The following KCNH7 variants were observed in gnomAD, a reference collection of about 807,000 sequenced individuals.
The protein encoded by KCNH7 is voltage-gated inwardly rectifying potassium channel KCNH7.
A neutral mutation model predicts 120.8 loss-of-function variants in KCNH7; 49 were observed. The ratio of observed to expected loss-of-function variants is 0.41; its 90% CI spans 0.32 to 0.51. The LOEUF is 0.51. Ranked by LOEUF, KCNH7 falls within the 20% of genes least tolerant of loss-of-function variation. KCNH7 has a pLI of 0.38. For synonymous variants in KCNH7, 547 were observed against 516.1 expected (o/e 1.06, Z -0.81); for missense variants, 1,097 against 1,446.6 (o/e 0.76, Z 3.92).
At chr2:162,539,790 C>G (rs1692239931) in intron 2 of KCNH7, among the ~76,000 whole-genome samples, 1 of 152,044 alleles carries the variant, frequency 6.6e-6, no homozygotes, top group Non-Finnish European at 1.5e-5. Context: ...ACATACTTTT[C>G]TCTTTTAGTT....
At position 162,793,852 on chromosome 2, in the gene KCNH7, A is replaced by G. The variant is rs185151125; in HGVS notation, c.307+42685T>C. On this transcript the variant is annotated intron_variant, in intron 2 of 15. Transcript: ENST00000332142. ...TAACTTAGAGTTCATTTTGCCTTAC[A>G]TGTAAATATAATGTACAGGATGGAA... Among the ~76,000 whole-genome samples the G allele has an allele frequency of 3.3e-3, 499 of 152,080 alleles. 2 individuals are homozygous for G. Among genetic ancestry groups the G allele is most frequent in the African/African-American group, 0.011 (471 of 41,532 alleles).
chr2:162,832,003 T>A (rs530553334), intron 2 of KCNH7, among the ~76,000 whole-genome samples: 2 of 152,282 alleles, frequency 1.3e-5, no homozygotes, highest in Admixed American at 6.5e-5. Context: ...GCCTATTTTA[T>A]CAACAATTAC....
intron 2 of KCNH7, among the ~76,000 whole-genome samples, chr2:162,662,598 C>T (rs1311796848): frequency 6.6e-6 from 1 of 152,152 alleles, no homozygotes; most frequent in African/African-American, 2.4e-5. Flanking sequence ...AGAGTCTTTG[C>T]ACATCTTCTG....
At chr2:162,409,062 A>C (rs1687311602) in intron 9 of KCNH7, among the ~76,000 whole-genome samples, 1 of 151,882 alleles carries the variant, frequency 6.6e-6, no homozygotes, top group African/African-American at 2.4e-5. Flanking sequence ...GTTATCAAAA[A>C]AATAAGAAAA....
At position 162,514,125 on chromosome 2, in the gene KCNH7, A is replaced by T. The variant is rs941002488; in HGVS notation, c.893-1451T>A. On this transcript the variant is annotated intron_variant, in intron 4 of 15. Transcript: ENST00000332142. ...CACTGTGCCCATTTAAAATCTTGGG[A>T]TATATCATAATAATTTCAAAGCTTA... Among the ~76,000 whole-genome samples, 3 of 151,954 alleles carry T rather than the reference A, an allele frequency of 2.0e-5. No homozygotes were observed. In the Middle Eastern group the frequency reaches 0.01, roughly 517 times the overall value.
At chr2:162,824,629 T>C (rs1430647133) in intron 2 of KCNH7, among the ~76,000 whole-genome samples, 1 of 152,106 alleles carries the variant, frequency 6.6e-6, no homozygotes, top group Non-Finnish European at 1.5e-5. Context: ...ACTATTATAT[T>C]GGAATAAATT....
At chr2:162,820,100 C>T (rs1005075223) in intron 2 of KCNH7, among the ~76,000 whole-genome samples, 2 of 134,410 alleles carry the variant, frequency 1.5e-5, no homozygotes, top group South Asian at 2.3e-4. Context: ...AGTGCAGTGG[C>T]GCTATCTCAG....
intron 2 of KCNH7, among the ~76,000 whole-genome samples, chr2:162,635,713 A>G: frequency 6.6e-6 from 1 of 152,062 alleles, no homozygotes; most frequent in East Asian, 1.9e-4. Context: ...ATGTTTCTCC[A>G]TTTTATCTTG....
chr2:162,671,218 A>G (rs13384626), intron 2 of KCNH7, among the ~76,000 whole-genome samples: 19,188 of 152,124 alleles, frequency 0.13, 1,418 homozygotes, highest in East Asian at 0.34. Flanking sequence ...TCTATCCAAA[A>G]GGAAAGAAAT....
intron 2 of KCNH7, among the ~76,000 whole-genome samples, chr2:162,670,903 T>C (rs1685328765): frequency 6.6e-6 from 1 of 151,636 alleles, no homozygotes; most frequent in African/African-American, 2.4e-5. Flanking sequence ...AAAATACAAG[T>C]TAAAGTAAAA....
chr2:162,487,061 T>C (rs1369310191), intron 6 of KCNH7, among the ~76,000 whole-genome samples: 1 of 152,292 alleles, frequency 6.6e-6, no homozygotes, highest in South Asian at 2.1e-4. Context: ...CTTAGAGAAC[T>C]TTTACAATCA....
intron 2 of KCNH7, among the ~76,000 whole-genome samples, chr2:162,608,059 G>A (rs1457328818): frequency 6.6e-6 from 1 of 152,048 alleles, no homozygotes; most frequent in Non-Finnish European, 1.5e-5. Flanking sequence ...ATTCTATTAT[G>A]CTAGTTCCCA....
At chr2:162,670,364 C>T (rs1385631127) in intron 2 of KCNH7, among the ~76,000 whole-genome samples, 1 of 149,356 alleles carries the variant, frequency 6.7e-6, no homozygotes, top group East Asian at 2.0e-4. Context: ...GTCTTAGCTA[C>T]TCGGGAGTCT....
chr2:162,667,258 T>G (rs748341478), intron 2 of KCNH7, among the ~76,000 whole-genome samples: 5 of 152,092 alleles, frequency 3.3e-5, no homozygotes, highest in Non-Finnish European at 5.9e-5. Context: ...TGGATTCCAG[T>G]GATCCTCCTG....
At chr2:162,459,147 A>G (rs1370268926) in intron 6 of KCNH7, among the ~76,000 whole-genome samples, 1 of 151,768 alleles carries the variant, frequency 6.6e-6, no homozygotes, top group Non-Finnish European at 1.5e-5. Context: ...TAATTTTCCA[A>G]AAGAGTACAA....
At chr2:162,394,240 G>T (rs1391085213) in intron 12 of KCNH7, 149 bp downstream of exon 12, 1 of 624,984 alleles carries the variant, frequency 1.6e-6, no homozygotes, top group Non-Finnish European at 2.8e-6. Flanking sequence ...CTGGAAACCA[G>T]ATCATTAGCT....
chr2:162,696,489 T>A (rs1686293970), intron 2 of KCNH7, among the ~76,000 whole-genome samples: 1 of 152,168 alleles, frequency 6.6e-6, no homozygotes, highest in East Asian at 1.9e-4. Context: ...GGAGTCCTGA[T>A]ATGAATTGGG....
chr2:162,626,857 G>C (rs913562083), intron 2 of KCNH7, among the ~76,000 whole-genome samples: 1 of 152,130 alleles, frequency 6.6e-6, no homozygotes, highest in African/African-American at 2.4e-5. Flanking sequence ...TAAGCTGATG[G>C]AACTTCAATT....
intron 6 of KCNH7, among the ~76,000 whole-genome samples, chr2:162,470,213 G>T (rs1689461294): frequency 6.6e-6 from 1 of 151,236 alleles, no homozygotes; most frequent in Non-Finnish European, 1.5e-5. Context: ...GCCCAGTCTG[G>T]AAAGTGAGGA....
Sources: allele counts gnomAD v4.1 joint callset (sites outside exome capture counted in the v4.1 genomes callset), GRCh38; gene constraint gnomAD v4.1.1; transcripts MANE v1.5; gene names NCBI Gene and HGNC (gene_info 2026-07-23, HGNC 2026-07-21).